Variants in CHMP2B observed in about 807,000 individuals in gnomAD.
CHMP2B encodes the protein VPS2 homolog B.
In CHMP2B, 22 loss-of-function variants were observed where a neutral mutation model predicts 29.8. That is an observed-to-expected ratio of 0.74 (90% CI 0.53 to 1.05). The LOEUF (loss-of-function observed/expected upper bound fraction) is 1.05, where lower values mean the gene tolerates loss of function less well. Ranked by LOEUF, CHMP2B falls within the 50% of genes least tolerant of loss-of-function variation. The pLI is 0.00. For missense variants in CHMP2B, 261 were observed against 252.2 expected (o/e 1.03, Z -0.24); for synonymous variants, 78 against 75.8 (o/e 1.03, Z -0.15).
At chr3:87,231,286 C>T (rs1705906255) in intron 1 of CHMP2B, among the ~76,000 whole-genome samples, 2 of 152,274 alleles carry the variant, frequency 1.3e-5, no homozygotes, top group South Asian at 4.1e-4. Flanking sequence ...GAGGTATCCT[C>T]TTCCAGTGTT....
chr3:87,233,780 A>G lies in CHMP2B; in HGVS notation c.34+6224A>G, dbSNP rs567882775. Among the ~76,000 whole-genome samples, 4 of 152,346 alleles carry G rather than the reference A, an allele frequency of 2.6e-5. No homozygotes were observed. The East Asian group carries it at 5.8e-4, about 22-fold the overall frequency. On this transcript the variant is annotated intron_variant, in intron 1 of 5. Transcript: ENST00000263780. ...GTGGGAACATTTTGTTTCTATCTCA[A>G]TTGATATGATGATTAGGTTTAGAGT...
Position 87,236,020 on chromosome 3 carries a change from A to G in CHMP2B, c.35-4679A>G, listed in dbSNP as rs4858951. The stretch of plus-strand genomic sequence containing the variant: ...CCAAATGGAAGTGATCCATAGGTCA[A>G]GGGTCGAAGGTGGAGGACAGAGCTC... On this transcript the variant is annotated intron_variant, in intron 1 of 5. Coordinates refer to ENST00000263780, the MANE Select transcript of CHMP2B (RefSeq NM_014043.4). Among the ~76,000 whole-genome samples the G allele has an allele frequency of 2.6e-3, 400 of 152,342 alleles. 9 individuals carry two copies. The highest frequency in any genetic ancestry group is 0.023 in the Admixed American group (345 of 15,302).
chr3:87,249,762 G>A (rs1706280074), intron 3 of CHMP2B, 113 bp from the exon 4 acceptor site: 2 of 631,546 alleles, frequency 3.2e-6, no homozygotes, highest in East Asian at 2.9e-5. Flanking sequence ...ATTACGGCAG[G>A]ATGGATATCT....
At chr3:87,232,663 A>G (rs1307667719) in intron 1 of CHMP2B, among the ~76,000 whole-genome samples, 4 of 152,202 alleles carry the variant, frequency 2.6e-5, no homozygotes, top group Non-Finnish European at 5.9e-5. Flanking sequence ...CAACAAAGAC[A>G]GACATTTCCT....
chr3:87,249,990 A>C lies in CHMP2B; in HGVS notation c.424+13A>C. ...ACTGAAGAAATGAGTAAGTTTAATA[A>C]ATTATAATGAAATTTATAGTTTTCT... On this transcript the variant is annotated intron_variant, in intron 4 of 5. Coordinates refer to ENST00000263780, the MANE Select transcript of CHMP2B (RefSeq NM_014043.4). 7.1e-7 allele frequency: 1 copy of C among 1,412,394 alleles called. No homozygotes were observed. The highest frequency in any genetic ancestry group is 1.0e-6 in the Non-Finnish European group (1 of 1,003,882). 87.5% of individuals were successfully genotyped at this position (1,412,394 alleles called of 1,614,324 possible).
intron 1 of CHMP2B, among the ~76,000 whole-genome samples, chr3:87,231,463 T>G (rs561841493): frequency 1.3e-5 from 2 of 152,182 alleles, no homozygotes; most frequent in Non-Finnish European, 2.9e-5. Flanking sequence ...TGCTTTTCTT[T>G]CCTGTAGCTT....
chr3:87,246,013 C>G, intron 3 of CHMP2B, 105 bp downstream of exon 3: 1 of 849,932 alleles, frequency 1.2e-6, no homozygotes, highest in Non-Finnish European at 1.9e-6. Flanking sequence ...ATATGTGATA[C>G]AAAATGTGTG....
At chr3:87,238,710 T>A (rs1199032506) in intron 1 of CHMP2B, among the ~76,000 whole-genome samples, 8 of 152,194 alleles carry the variant, frequency 5.3e-5, no homozygotes, top group Non-Finnish European at 1.0e-4. Context: ...CTCTTTGTGA[T>A]CGTTTGGGTT....
chr3:87,231,438 A>G (rs1705908253), intron 1 of CHMP2B, among the ~76,000 whole-genome samples: 2 of 152,142 alleles, frequency 1.3e-5, no homozygotes, highest in African/African-American at 4.8e-5. Context: ...CTTGCACTTT[A>G]CGATACCACC....
At chr3:87,249,753 T>A (rs561264250) in intron 3 of CHMP2B, 122 bp from the exon 4 acceptor site, 1 of 602,028 alleles carries the variant, frequency 1.7e-6, no homozygotes, top group African/African-American at 1.9e-5. Context: ...CTATGTTTGA[T>A]TACGGCAGGA....
At chr3:87,240,413 C>T (rs894575528) in intron 1 of CHMP2B, 6 of 293,354 alleles carry the variant, frequency 2.0e-5, no homozygotes, top group Non-Finnish European at 3.4e-5. Flanking sequence ...CAGATTCAAG[C>T]GATTCTTCTA....
chr3:87,227,898 A>G (rs888505602), intron 1 of CHMP2B, among the ~76,000 whole-genome samples: 4 of 152,006 alleles, frequency 2.6e-5, no homozygotes, highest in African/African-American at 4.8e-5. Flanking sequence ...CTCTGCTTCG[A>G]TTGTTGCTCT....
intron 1 of CHMP2B, among the ~76,000 whole-genome samples, chr3:87,237,591 A>G (rs553467581): frequency 6.6e-6 from 1 of 152,318 alleles, no homozygotes; most frequent in Non-Finnish European, 1.5e-5. Context: ...GCTCTAGGGG[A>G]CACTAGTATC....
chr3:87,240,380 G>A (rs1369206017), intron 1 of CHMP2B: 2 of 235,002 alleles, frequency 8.5e-6, no homozygotes, highest in African/African-American at 2.3e-5. Context: ...GCATGATCTC[G>A]GCTCAACGCA....
intron 1 of CHMP2B, among the ~76,000 whole-genome samples, chr3:87,231,294 G>A (rs1265493952): frequency 6.6e-6 from 1 of 152,122 alleles, no homozygotes; most frequent in African/African-American, 2.4e-5. Context: ...CTCTTCCAGT[G>A]TTGACAGTGC....
At position 87,253,885 on chromosome 3, in the gene CHMP2B, G is replaced by T; in HGVS notation, c.*63G>T. 11 of 1,131,630 alleles carry T rather than the reference G, an allele frequency of 9.7e-6. No individual in the cohort carries two copies. The highest frequency in any genetic ancestry group is 1.3e-5 in the Non-Finnish European group (10 of 768,090). 70.1% of individuals were successfully genotyped at this position (1,131,630 alleles called of 1,614,324 possible). ...TGTAGTATAAACCAAGCACAGTGCA[G>T]ATTTCTTTTACAAAACACATGTATT... On this transcript the variant is annotated 3_prime_UTR_variant, in exon 6 of 6. Transcript: ENST00000263780.
chr3:87,230,137 G>A (rs1705880133), intron 1 of CHMP2B, among the ~76,000 whole-genome samples: 1 of 152,022 alleles, frequency 6.6e-6, no homozygotes, highest in South Asian at 2.1e-4. Context: ...CCTATTTAGG[G>A]AAGCTAATTA....
chr3:87,230,540 C>A (rs1046089061), intron 1 of CHMP2B, among the ~76,000 whole-genome samples: 8 of 152,088 alleles, frequency 5.3e-5, no homozygotes, highest in Admixed American at 6.5e-5. Flanking sequence ...TACCATGCAA[C>A]GTTTACATTC....
chr3:87,239,641 C>G (rs1227081886), intron 1 of CHMP2B, among the ~76,000 whole-genome samples: 2 of 152,274 alleles, frequency 1.3e-5, no homozygotes, highest in East Asian at 3.9e-4. Context: ...TACTTGCTAT[C>G]TATGTGGCTT....
Sources: gnomAD v4.1 joint callset for allele counts (sites outside exome capture counted in the v4.1 genomes callset) on GRCh38, gnomAD v4.1.1 for gene constraint, MANE v1.5 for transcripts, NCBI Gene and HGNC (gene_info 2026-07-23, HGNC 2026-07-21) for gene names.